The following THSD7A variants were observed in gnomAD, a reference collection of about 807,000 sequenced individuals.
The protein encoded by THSD7A is thrombospondin type-1 domain-containing protein 7A.
THSD7A carries 96 observed loss-of-function variants against 231.3 expected under a neutral mutation model. That is an observed-to-expected ratio of 0.41 (90% CI 0.35 to 0.49). THSD7A has a LOEUF of 0.49. THSD7A is among the 20% of genes least tolerant of loss of function. THSD7A has a pLI of 0.05. For missense variants in THSD7A, 2,290 were observed against 2,070.2 expected (o/e 1.11, Z -2.06); for synonymous variants, 940 against 743.3 (o/e 1.26, Z -4.30).
intron 1 of THSD7A, among the ~76,000 whole-genome samples, chr7:11,681,645 C>G (rs1457584900): frequency 6.6e-6 from 1 of 151,792 alleles, no homozygotes; most frequent in Non-Finnish European, 1.5e-5. Flanking sequence ...CACTGACATT[C>G]CCAAGGGAGA....
At chr7:11,488,264 A>C (rs1786743296) in intron 6 of THSD7A, among the ~76,000 whole-genome samples, 1 of 152,132 alleles carries the variant, frequency 6.6e-6, no homozygotes, top group African/African-American at 2.4e-5. Context: ...GACTTTTGAG[A>C]GTGATAGTCT....
intron 1 of THSD7A, among the ~76,000 whole-genome samples, chr7:11,721,900 C>G (rs1022943079): frequency 6.6e-6 from 1 of 151,904 alleles, no homozygotes; most frequent in Non-Finnish European, 1.5e-5. Context: ...CTCTTGCTCT[C>G]TATGTTCCAA....
chr7:11,429,963 A>G (rs887006302), intron 13 of THSD7A, among the ~76,000 whole-genome samples: 1 of 152,322 alleles, frequency 6.6e-6, no homozygotes, highest in East Asian at 1.9e-4. Context: ...CAAACTTGCC[A>G]TTTCACAATA....
rs114347290 is a variant in THSD7A, at chr7:11,805,987, C to A, written c.190+25770G>T. Among the ~76,000 whole-genome samples, 404 of 152,264 alleles carry A rather than the reference C, an allele frequency of 2.7e-3. 1 individual carries two copies. The highest frequency in any genetic ancestry group is 9.2e-3 in the African/African-American group (383 of 41,574). ...TGCAAGTACAAAAGGGAAAACTATTCAGTGACAGATTCTTTATTTTTATTT... is the reference window on the plus strand; with the variant it reads ...TGCAAGTACAAAAGGGAAAACTATTAAGTGACAGATTCTTTATTTTTATTT... On this transcript the variant is annotated intron_variant, in intron 1 of 27. Transcript: ENST00000423059.
intron 9 of THSD7A, among the ~76,000 whole-genome samples, chr7:11,463,816 G>T (rs2128299005): frequency 6.6e-6 from 1 of 152,248 alleles, no homozygotes; most frequent in South Asian, 2.1e-4. Context: ...ATGTCAACAG[G>T]ACTTTTAATA....
At chr7:11,802,473 G>C (rs1010352945) in intron 1 of THSD7A, among the ~76,000 whole-genome samples, 1 of 152,082 alleles carries the variant, frequency 6.6e-6, no homozygotes, top group Non-Finnish European at 1.5e-5. Context: ...AAGCCAAGGA[G>C]GGACATGGTA....
intron 1 of THSD7A, among the ~76,000 whole-genome samples, chr7:11,728,439 A>G (rs1781618299): frequency 6.6e-6 from 1 of 151,966 alleles, no homozygotes; most frequent in South Asian, 2.1e-4. Context: ...TATGACTTGA[A>G]AAGTATATAG....
chr7:11,755,574 G>C (rs542702936), intron 1 of THSD7A, among the ~76,000 whole-genome samples: 52 of 152,180 alleles, frequency 3.4e-4, no homozygotes, highest in Non-Finnish European at 6.3e-4. Context: ...AGATCGGGTA[G>C]AAAGAGCCTC....
At chr7:11,402,073 G>T (rs1859225) in intron 22 of THSD7A, 105 bp from the exon 23 acceptor site, 275,258 of 846,562 alleles carry the variant, frequency 0.33, 47,491 homozygotes, top group African/African-American at 0.54. Context: ...GGTATCCCAG[G>T]CACACATAAT....
At chr7:11,766,974 C>G (rs1441236718) in intron 1 of THSD7A, among the ~76,000 whole-genome samples, 1 of 152,060 alleles carries the variant, frequency 6.6e-6, no homozygotes, top group African/African-American at 2.4e-5. Flanking sequence ...AAGAGAAGGT[C>G]TTTGTTTCTA....
At chr7:11,783,497 C>G (rs1209934977) in intron 1 of THSD7A, among the ~76,000 whole-genome samples, 1 of 152,108 alleles carries the variant, frequency 6.6e-6, no homozygotes, top group East Asian at 1.9e-4. Context: ...TTGGTCATCC[C>G]ATTAAGGAGC....
chr7:11,379,676 C>G lies in THSD7A; in HGVS notation c.4544G>C (p.Arg1515Thr). ...TTGACTACACGGTGGGTTACAAGAC[C>G]TGTCGGCATCAGGCTGGCTCATCAC... Reference protein sequence around the residue: ...CLVMSQPDADRSCNPPCSQPH... With the variant: ...CLVMSQPDADTSCNPPCSQPH... Residue 1515 changes from arginine to threonine, a missense_variant, in exon 25 of 28, where the codon AGG (arginine) becomes ACG (threonine). By Grantham distance (71) the Arg-to-Thr change is moderately conservative. Coordinates refer to ENST00000423059, the MANE Select transcript of THSD7A (RefSeq NM_015204.3). The G allele has an allele frequency of 6.3e-7, 1 of 1,593,752 alleles. No individual in the cohort carries two copies.
In THSD7A at chr7:11,550,238, T is replaced by C. The variant is rs145895882; in HGVS notation, c.1454-7121A>G. On this transcript the variant is annotated intron_variant, in intron 4 of 27. Transcript: ENST00000423059. ...ATCAGGAATGCAATCCCATTCACAA[T>C]AGCCACCAAGAGAATAAAATACCTA... Among the ~76,000 whole-genome samples, 574 of 152,106 alleles carry C rather than the reference T, an allele frequency of 3.8e-3. 3 individuals carry two copies. The highest frequency in any genetic ancestry group is 6.1e-3 in the Non-Finnish European group (413 of 67,974).
At chr7:11,498,627 T>C (rs1266988848) in intron 6 of THSD7A, among the ~76,000 whole-genome samples, 1 of 152,120 alleles carries the variant, frequency 6.6e-6, no homozygotes, top group Non-Finnish European at 1.5e-5. Context: ...TATCAAAACA[T>C]GCCCAGACTG....
At position 11,597,395 on chromosome 7, in the gene THSD7A, GT is replaced by G. The variant is rs1363343169; in HGVS notation, c.1023-3894del. 5.3e-5 allele frequency among the ~76,000 whole-genome samples: 8 copies of G among 152,302 alleles called. No individual in the cohort carries two copies. In the East Asian group the frequency reaches 1.5e-3, roughly 29 times the overall value. Reference sequence around the variant, plus strand: ...TACCGAGTGACCTGAAATACTGCCAGTTTTGAGTGGGGTCCAGAACAGGAGA... The same window carrying G: ...TACCGAGTGACCTGAAATACTGCCAGTTTGAGTGGGGTCCAGAACAGGAGA... On this transcript the variant is annotated intron_variant, in intron 2 of 27. Coordinates refer to ENST00000423059, the MANE Select transcript of THSD7A (RefSeq NM_015204.3).
chr7:11,720,185 C>G (rs1781300313), intron 1 of THSD7A, among the ~76,000 whole-genome samples: 1 of 151,798 alleles, frequency 6.6e-6, no homozygotes, highest in Non-Finnish European at 1.5e-5. Flanking sequence ...TCTTACTCAG[C>G]TCACACAGCC....
intron 1 of THSD7A, among the ~76,000 whole-genome samples, chr7:11,793,828 G>A (rs1486243032): frequency 2.0e-5 from 3 of 151,732 alleles, no homozygotes; most frequent in Non-Finnish European, 2.9e-5. Flanking sequence ...TTCCAATGTG[G>A]GTGTTTTATT....
intron 1 of THSD7A, chr7:11,821,217 T>C (rs917408570): frequency 6.7e-6 from 8 of 1,190,808 alleles, no homozygotes; most frequent in Non-Finnish European, 1.0e-5. Context: ...CAATGGTCAC[T>C]ATATGTTGGG....
chr7:11,541,485 G>C lies in THSD7A; in HGVS notation c.1756C>G (p.Pro586Ala), dbSNP rs376067516. ...GGACCACACTCCTTTCCGTTATCTG[G>C]CTCGCAGTTTCCCAGTCTCACTGCT... is the stretch of plus-strand genomic sequence containing the variant. ...WKAVRLGNCE[P>A]DNGKECGPGT... Residue 586 changes from proline to alanine, a missense_variant, in exon 6 of 28, where the codon CCA becomes GCA. By Grantham distance (27) the Pro-to-Ala change is conservative (BLOSUM62 -1). Coordinates refer to ENST00000423059, the MANE Select transcript of THSD7A (RefSeq NM_015204.3). The C allele has an allele frequency of 4.3e-6, 7 of 1,613,834 alleles. No individual in the cohort carries two copies. Among genetic ancestry groups the C allele is most frequent in the South Asian group, 1.1e-5 (1 of 91,064 alleles).
Sources: gnomAD v4.1 joint callset for allele counts (sites outside exome capture counted in the v4.1 genomes callset) on GRCh38, gnomAD v4.1.1 for gene constraint, MANE v1.5 for transcripts, NCBI Gene and HGNC (gene_info 2026-07-23, HGNC 2026-07-21) for gene names.